The following NFIB variants were observed in gnomAD, a reference collection of about 807,000 sequenced individuals.
NFIB encodes nuclear factor I B, also known as nuclear factor 1 B-type.
NFIB carries 11 observed loss-of-function variants against 61.5 expected under a neutral mutation model. That is an observed-to-expected ratio of 0.18 (90% CI 0.11 to 0.30). The LOEUF is 0.30. Ranked by LOEUF, NFIB falls within the 10% of genes least tolerant of loss-of-function variation. The pLI is 1.00. For missense variants in NFIB, 471 were observed against 608.9 expected, an observed-to-expected ratio of 0.77 and a Z score of 2.38; for synonymous variants, 260 against 216.5, an observed-to-expected ratio of 1.20 and a Z score of -1.76.
At chr9:14,342,984 G>A (rs2060970305) in intron 1 of NFIB, among the ~76,000 whole-genome samples, 1 of 151,788 alleles carries the variant, frequency 6.6e-6, no homozygotes, top group Non-Finnish European at 1.5e-5. Flanking sequence ...AGAAAGGAGG[G>A]AAAGAAAAGG....
the NFIB span, among the ~76,000 whole-genome samples, chr9:14,525,486 G>T: frequency 4.6e-5 from 7 of 152,108 alleles, no homozygotes; most frequent in African/African-American, 1.7e-4. Flanking sequence ...TTATTGCTCT[G>T]TGCTGAAGAC....
the NFIB span, among the ~76,000 whole-genome samples, chr9:14,515,457 C>T: frequency 2.0e-5 from 3 of 152,220 alleles, no homozygotes; most frequent in South Asian, 2.1e-4. Flanking sequence ...TCCACTAACT[C>T]GGTAGGCAAG....
intron 2 of NFIB, among the ~76,000 whole-genome samples, chr9:14,259,223 C>G (rs1397900292): frequency 6.6e-6 from 1 of 152,058 alleles, no homozygotes; most frequent in African/African-American, 2.4e-5. Context: ...AAAAAGAAGT[C>G]AATTGCTTGT....
chr9:14,398,687 T>C, exon 1 of NFIB: 1 of 1,214,644 alleles, frequency 8.2e-7, no homozygotes, highest in Non-Finnish European at 1.1e-6. Flanking sequence ...CCATTTGCGC[T>C]GTTTTAGAAT....
chr9:14,344,108 A>AAGAGAGAGAGAG (rs149708104), intron 1 of NFIB, among the ~76,000 whole-genome samples: 6 of 141,556 alleles, frequency 4.2e-5, no homozygotes, highest in East Asian at 4.3e-4. Flanking sequence ...GAGAGAGAGA[A>AAGAGAGAGAGAG]AGAGAGAGAG....
At chr9:14,435,430 C>A in the NFIB span, among the ~76,000 whole-genome samples, 1 of 152,206 alleles carries the variant, frequency 6.6e-6, no homozygotes, top group South Asian at 2.1e-4. Context: ...CTATCACTTA[C>A]TAACTGGGGC....
chr9:14,270,774 A>G (rs1024759916), intron 2 of NFIB, among the ~76,000 whole-genome samples: 1 of 152,168 alleles, frequency 6.6e-6, no homozygotes, highest in East Asian at 1.9e-4. Context: ...TTGAGGTGAC[A>G]GGAAACAAAA....
chr9:14,174,384 G>C (rs148297335), intron 3 of NFIB, among the ~76,000 whole-genome samples: 3 of 152,250 alleles, frequency 2.0e-5, no homozygotes, highest in Admixed American at 6.5e-5. Context: ...TAAGTATCAT[G>C]AAATAGTGCA....
At chr9:14,310,231 G>C (rs990783031) in intron 1 of NFIB, among the ~76,000 whole-genome samples, 2 of 152,176 alleles carry the variant, frequency 1.3e-5, no homozygotes, top group Non-Finnish European at 2.9e-5. Flanking sequence ...TGTCAATGCT[G>C]CCAATATTGT....
At chr9:14,225,577 A>C (rs538260098) in intron 2 of NFIB, among the ~76,000 whole-genome samples, 1 of 152,050 alleles carries the variant, frequency 6.6e-6, no homozygotes, top group East Asian at 1.9e-4. Context: ...TTTTTGGTTT[A>C]ATGACTTTAG....
intron 2 of NFIB, among the ~76,000 whole-genome samples, chr9:14,196,817 T>G (rs1278962258): frequency 6.6e-6 from 1 of 152,186 alleles, no homozygotes; most frequent in Non-Finnish European, 1.5e-5. Context: ...GTTTATGTAA[T>G]CAGAGTAACT....
At chr9:14,477,853 C>T in the NFIB span, among the ~76,000 whole-genome samples, 28,826 of 152,058 alleles carry the variant, frequency 0.19, 4,386 homozygotes, top group African/African-American at 0.42. Flanking sequence ...AATCTAGCCA[C>T]ATTGCAAGCA....
At chr9:14,285,064 T>A (rs1329937873) in intron 2 of NFIB, among the ~76,000 whole-genome samples, 1 of 152,192 alleles carries the variant, frequency 6.6e-6, no homozygotes, top group Non-Finnish European at 1.5e-5. Flanking sequence ...ATTTTGTATA[T>A]CAAAATTAAT....
intron 3 of NFIB, among the ~76,000 whole-genome samples, chr9:14,172,166 A>C (rs79290230): frequency 0.015 from 2,233 of 152,366 alleles, 25 homozygotes; most frequent in Non-Finnish European, 0.023. Context: ...AGAAGAAATC[A>C]AGATGGAATT....
the NFIB span, among the ~76,000 whole-genome samples, chr9:14,409,232 T>C: frequency 1.1e-4 from 17 of 152,194 alleles, no homozygotes; most frequent in Non-Finnish European, 2.1e-4. Flanking sequence ...GCTTTTCATA[T>C]AATTTATTTA....
intron 2 of NFIB, among the ~76,000 whole-genome samples, chr9:14,248,769 C>T (rs1167733433): frequency 1.3e-5 from 2 of 152,150 alleles, no homozygotes; most frequent in African/African-American, 2.4e-5. Context: ...GGAGATCCAG[C>T]CCAGGAACGT....
intron 2 of NFIB, among the ~76,000 whole-genome samples, chr9:14,219,501 C>A (rs1182134774): frequency 6.0e-5 from 9 of 150,130 alleles, no homozygotes; most frequent in African/African-American, 2.2e-4. Flanking sequence ...TTTTTGTTTG[C>A]AGGCTTCTTT....
Position 14,097,879 on chromosome 9 carries a change from T to C in NFIB, c.1468-9553A>G, listed in dbSNP as rs550949146. 2.3e-4 allele frequency among the ~76,000 whole-genome samples: 34 copies of C among 145,124 alleles called. 1 individual carries two copies. In the South Asian group the frequency reaches 5.4e-3, roughly 23 times the overall value. The stretch of plus-strand genomic sequence containing the variant: ...TTTTTTCTTTCTTTCTTTTTTCTTT[T>C]TTTTTTTTTTTTTTGCCCTCCCTCT... On this transcript the variant is annotated intron_variant, in intron 10 of 10. Transcript: ENST00000380953.
intron 2 of NFIB, among the ~76,000 whole-genome samples, chr9:14,243,276 C>A (rs2054537395): frequency 6.6e-6 from 1 of 152,206 alleles, no homozygotes; most frequent in East Asian, 1.9e-4. Flanking sequence ...AAAAAGATAA[C>A]TAATTATTTG....
Sources: allele counts gnomAD v4.1 joint callset (sites outside exome capture counted in the v4.1 genomes callset), GRCh38; gene constraint gnomAD v4.1.1; transcripts MANE v1.5; gene names NCBI Gene and HGNC (gene_info 2026-07-23, HGNC 2026-07-21).